Variants in CLEC17A observed in about 807,000 individuals in gnomAD.
CLEC17A encodes C-type lectin domain containing 17A, also known as C-type lectin domain family 17, member A.
In CLEC17A, 37 loss-of-function variants were observed where a neutral mutation model predicts 61.3. The ratio of observed to expected loss-of-function variants is 0.60; its 90% CI spans 0.46 to 0.79. CLEC17A has a LOEUF of 0.79. Ranked by LOEUF, CLEC17A falls within the 30% of genes least tolerant of loss-of-function variation. The pLI is 0.00. For synonymous variants in CLEC17A, 168 were observed against 164.9 expected (o/e 1.02, Z -0.14); for missense variants, 418 against 464.7 (o/e 0.90, Z 0.92).
At chr19:14,592,455 C>T in intron 4 of CLEC17A, 97 bp downstream of exon 4, 1 of 1,563,834 alleles carries the variant, frequency 6.4e-7, no homozygotes. Flanking sequence ...TCAGTCTCCT[C>T]TGTATCCAGC....
intron 4 of CLEC17A, among the ~76,000 whole-genome samples, chr19:14,593,107 C>A (rs1160033143): frequency 1.3e-5 from 2 of 152,000 alleles, no homozygotes; most frequent in African/African-American, 4.8e-5. Context: ...AAGCCCAGGG[C>A]TTTATTTAAT....
chr19:14,609,913 T>G, intron 13 of CLEC17A, 151 bp from the exon 14 acceptor site: 1 of 608,422 alleles, frequency 1.6e-6, no homozygotes. Flanking sequence ...TGGCTCACTG[T>G]GCCCGGCTTA....
rs1323913230 is a variant in CLEC17A, at chr19:14,583,190, C to T, written c.30C>T (p.Tyr10=). MHNLYSITG[Y]PDPPGTMEEE... The stretch of plus-strand genomic sequence containing the variant: ...ATAATCTGTATTCCATCACTGGGTA[C>T]CCGGACCCACCAGGTAAGGCCCCGG... The change falls in exon 1 of 14, where the codon TAC becomes TAT. Residue 10 remains tyrosine (Y), a synonymous_variant. Transcript: ENST00000417570. 16 of 1,613,946 alleles carry T rather than the reference C, an allele frequency of 9.9e-6. No individual in the cohort carries two copies. Among genetic ancestry groups the T allele is most frequent in the Non-Finnish European group, 1.3e-5 (15 of 1,179,882 alleles).
In CLEC17A at chr19:14,600,012, C is replaced by A; in HGVS notation, c.743-19C>A. 1 of 1,612,460 alleles carries A rather than the reference C, an allele frequency of 6.2e-7. No individual in the cohort carries two copies. Among genetic ancestry groups the A allele is most frequent in the Non-Finnish European group, 8.5e-7 (1 of 1,179,122 alleles). On this transcript the variant is annotated intron_variant, in intron 11 of 13. Transcript: ENST00000417570. ...TCAGGTTCTGGGGCCATCCTGACAG[C>A]ATTCTGTCTGGTTCCCAGACTGCCG... is the stretch of plus-strand genomic sequence containing the variant.
At chr19:14,583,591 T>G in intron 2 of CLEC17A, among the ~76,000 whole-genome samples, 157 bp downstream of exon 2, 1 of 151,862 alleles carries the variant, frequency 6.6e-6, no homozygotes, top group African/African-American at 2.4e-5. Flanking sequence ...GACCTGTCAG[T>G]CTGATGGCGG....
intron 3 of CLEC17A, among the ~76,000 whole-genome samples, chr19:14,590,319 T>C (rs2074377641): frequency 6.6e-6 from 1 of 152,170 alleles, no homozygotes; most frequent in Non-Finnish European, 1.5e-5. Flanking sequence ...TGCTCTGTTT[T>C]ATTAGGTTTA....
chr19:14,607,360 T>G (rs111613171), intron 13 of CLEC17A, among the ~76,000 whole-genome samples: 3 of 133,124 alleles, frequency 2.3e-5, no homozygotes, highest in Non-Finnish European at 3.5e-5. Context: ...CCCATCACCA[T>G]GCCCGGCTAA....
At chr19:14,590,311 C>T (rs1374385590) in intron 3 of CLEC17A, among the ~76,000 whole-genome samples, 1 of 152,018 alleles carries the variant, frequency 6.6e-6, no homozygotes, top group African/African-American at 2.4e-5. Flanking sequence ...ATCCCTATTG[C>T]TCTGTTTTAT....
chr19:14,599,141 A>G (rs1384307431), intron 10 of CLEC17A, among the ~76,000 whole-genome samples: 1 of 124,496 alleles, frequency 8.0e-6, no homozygotes, highest in African/African-American at 3.2e-5. Flanking sequence ...AGGCTGGAGC[A>G]CAGTGGTGTG....
chr19:14,590,412 G>C (rs1049382570), intron 3 of CLEC17A, among the ~76,000 whole-genome samples: 12 of 149,664 alleles, frequency 8.0e-5, no homozygotes, highest in African/African-American at 2.2e-4. Context: ...TCTTGAGACG[G>C]AGTTTCACTC....
At chr19:14,595,169 G>T in intron 7 of CLEC17A, 105 bp from the exon 8 acceptor site, 1 of 1,338,294 alleles carries the variant, frequency 7.5e-7, no homozygotes. Context: ...ACTGCCCACA[G>T]CCAGCCCCCT....
At chr19:14,604,624 A>C (rs1401177542) in intron 12 of CLEC17A, among the ~76,000 whole-genome samples, 1 of 151,982 alleles carries the variant, frequency 6.6e-6, no homozygotes, top group Non-Finnish European at 1.5e-5. Context: ...TGAGCTGGGC[A>C]TGGTGGCGCG....
intron 2 of CLEC17A, 43 bp from the exon 3 acceptor site, chr19:14,587,571 G>A: frequency 3.3e-6 from 5 of 1,533,666 alleles, no homozygotes; most frequent in Non-Finnish European, 4.4e-6. Context: ...GGGATGGAGG[G>A]AGGAGGGAAT....
rs192952675 is a variant in CLEC17A at position 14,594,247 on chromosome 19, A to C, written c.278-270A>C. Among the ~76,000 whole-genome samples, 58 of 152,274 alleles carry C rather than the reference A, an allele frequency of 3.8e-4. 1 individual carries two copies. The East Asian group carries it at 9.6e-3, about 25-fold the overall frequency. ...AGATGAGATCACGCCACTGCACTCC[A>C]GTCTGAGCAACAGAGCAAGACTCTG... On this transcript the variant is annotated intron_variant, in intron 4 of 13. Coordinates refer to ENST00000417570, the MANE Select transcript of CLEC17A (RefSeq NM_001204118.2).
At chr19:14,583,600 G>A (rs10406387) in intron 2 of CLEC17A, among the ~76,000 whole-genome samples, 166 bp downstream of exon 2, 9,832 of 151,594 alleles carry the variant, frequency 0.065, 1,095 homozygotes, top group African/African-American at 0.23. Flanking sequence ...GTCTGATGGC[G>A]GAGGTGGGTT....
intron 10 of CLEC17A, among the ~76,000 whole-genome samples, chr19:14,598,304 T>TTCTC (rs111468753): frequency 0.073 from 10,824 of 149,150 alleles, 432 homozygotes; most frequent in Middle Eastern, 0.14. Flanking sequence ...TGTTCTTTCT[T>TTCTC]TCTCTCTCTC....
chr19:14,609,102 A>C (rs2074983016), intron 13 of CLEC17A, among the ~76,000 whole-genome samples: 1 of 152,004 alleles, frequency 6.6e-6, no homozygotes, highest in Non-Finnish European at 1.5e-5. Context: ...ACCTGGCGGA[A>C]CATTGGCTGC....
At chr19:14,597,893 T>C (rs572127448) in intron 10 of CLEC17A, among the ~76,000 whole-genome samples, 1 of 152,122 alleles carries the variant, frequency 6.6e-6, no homozygotes, top group Non-Finnish European at 1.5e-5. Context: ...CTAAAACCTG[T>C]GTTTCTGTTT....
intron 2 of CLEC17A, among the ~76,000 whole-genome samples, chr19:14,585,670 C>T (rs1431242462): frequency 6.8e-6 from 1 of 147,436 alleles, no homozygotes; most frequent in African/African-American, 2.5e-5. Context: ...CTCCCACCAA[C>T]AGCCATGTGA....
Sources: allele counts gnomAD v4.1 joint callset (sites outside exome capture counted in the v4.1 genomes callset), GRCh38; gene constraint gnomAD v4.1.1; transcripts MANE v1.5; gene names NCBI Gene and HGNC (gene_info 2026-07-23, HGNC 2026-07-21).